Variants in GAB2 observed in about 807,000 individuals in gnomAD.
GAB2 encodes the protein GRB2-associated-binding protein 2.
In GAB2, 26 loss-of-function variants were observed where a neutral mutation model predicts 65.5. That is an observed-to-expected ratio of 0.40 (90% CI 0.29 to 0.55). The LOEUF is 0.55. Ranked by LOEUF, GAB2 falls within the 20% of genes least tolerant of loss-of-function variation. The pLI is 0.53. For synonymous variants in GAB2, 321 were observed against 329.6 expected (o/e 0.97, Z 0.28); for missense variants, 884 against 875.8 (o/e 1.01, Z -0.12).
chr11:78,412,477 T>C (rs894419611), intron 1 of GAB2, among the ~76,000 whole-genome samples: 26 of 152,180 alleles, frequency 1.7e-4, no homozygotes, highest in Non-Finnish European at 3.8e-4. Context: ...AGATTAGTAG[T>C]TGTCACAGAT....
chr11:78,405,204 T>A (rs1470885586), intron 1 of GAB2, among the ~76,000 whole-genome samples: 1 of 149,638 alleles, frequency 6.7e-6, no homozygotes, highest in Non-Finnish European at 1.5e-5. Flanking sequence ...GTTCACGCCA[T>A]TCTCCTGCCT....
In GAB2 at chr11:78,218,382, CT is replaced by C; in HGVS notation, c.*889del. 2 of 152,896 alleles carry C rather than the reference CT, an allele frequency of 1.3e-5. No individual in the cohort carries two copies. The highest frequency in any genetic ancestry group is 6.7e-3 in the Middle Eastern group (2 of 298). The allele number at this position is 152,896 out of a possible 1,614,324, so 9.5% of individuals were successfully genotyped here. A position where few individuals can be genotyped will look rare whatever the true frequency, so the allele number is the denominator to read the frequency against. ...CTTGGTCCAAGCCTTCCCCTGTATG[CT>C]GCTTTCAAGGTGGGGCTGGCGGGGG... On this transcript the variant is annotated 3_prime_UTR_variant, in exon 10 of 10. Transcript: ENST00000361507.
chr11:78,233,881 G>A lies in GAB2; in HGVS notation c.621-6830C>T, dbSNP rs1162925573. The stretch of plus-strand genomic sequence containing the variant: ...TGCCTGCTGCCTCCCAAAGTGCTGA[G>A]ATTACAGGCGTGGGCCACCACGCCC... On this transcript the variant is annotated intron_variant, in intron 3 of 9. Coordinates refer to ENST00000361507, the MANE Select transcript of GAB2 (RefSeq NM_080491.3). Among the ~76,000 whole-genome samples the A allele has an allele frequency of 2.6e-5, 4 of 152,244 alleles. No individual in the cohort carries two copies. The South Asian group carries it at 8.3e-4, about 31-fold the overall frequency.
At chr11:78,266,214 CAAAA>C (rs11445907) in intron 2 of GAB2, among the ~76,000 whole-genome samples, 37 of 65,050 alleles carry the variant, frequency 5.7e-4, no homozygotes, top group Non-Finnish European at 7.4e-4. Context: ...GACTCCATCT[CAAAA>C]AAAAAAAAAA....
chr11:78,348,142 T>C (rs1045932390), intron 1 of GAB2, among the ~76,000 whole-genome samples: 3 of 152,130 alleles, frequency 2.0e-5, no homozygotes, highest in African/African-American at 7.2e-5. Flanking sequence ...AGGTTAGACT[T>C]GCTGTCTCAG....
At chr11:78,371,723 C>A (rs1565176343) in intron 1 of GAB2, among the ~76,000 whole-genome samples, 1 of 152,222 alleles carries the variant, frequency 6.6e-6, no homozygotes, top group Non-Finnish European at 1.5e-5. Flanking sequence ...AACACCAATT[C>A]TCAGGGGAGA....
chr11:78,414,087 CAAAAAAAAAAA>C (rs34915163), intron 1 of GAB2, among the ~76,000 whole-genome samples: 3 of 83,292 alleles, frequency 3.6e-5, no homozygotes, highest in East Asian at 1.1e-3. Context: ...AACTCTGTCT[CAAAAAAAAAAA>C]AAAAAAAAAG....
Position 78,221,658 on chromosome 11 carries a change from C to T in GAB2, c.1761+19G>A, listed in dbSNP as rs367549795. On this transcript the variant is annotated intron_variant, in intron 8 of 9. Coordinates refer to ENST00000361507, the MANE Select transcript of GAB2 (RefSeq NM_080491.3). ...GGGGACTTGAAAGGCGTCATTCCAG[C>T]GAAGCCCGAAGGACTCACCATAGGG... The T allele has an allele frequency of 7.1e-5, 108 of 1,526,112 alleles. No individual in the cohort carries two copies. Among genetic ancestry groups the T allele is most frequent in the East Asian group, 1.6e-4 (7 of 44,170 alleles). The allele number at this position is 1,526,112 out of a possible 1,614,324, so 94.5% of individuals were successfully genotyped here.
At chr11:78,233,867 T>C (rs903982802) in intron 3 of GAB2, among the ~76,000 whole-genome samples, 2 of 152,208 alleles carry the variant, frequency 1.3e-5, no homozygotes, top group African/African-American at 4.8e-5. Context: ...GCCTGCTGCC[T>C]CCCAAAGTGC....
chr11:78,237,294 TATC>T (rs1177170365), intron 3 of GAB2, among the ~76,000 whole-genome samples: 1 of 152,232 alleles, frequency 6.6e-6, no homozygotes, highest in East Asian at 1.9e-4. Flanking sequence ...TCTAAATGCT[TATC>T]ATCATGTGAA....
intron 1 of GAB2, among the ~76,000 whole-genome samples, chr11:78,317,390 T>A (rs570809598): frequency 1.3e-5 from 2 of 152,082 alleles, no homozygotes; most frequent in Admixed American, 6.6e-5. Context: ...TGATACCCCA[T>A]CTCTACTAAA....
chr11:78,383,417 T>C (rs914915157), intron 1 of GAB2, among the ~76,000 whole-genome samples: 2 of 151,306 alleles, frequency 1.3e-5, no homozygotes, highest in African/African-American at 4.9e-5. Context: ...AGGAATGGCA[T>C]AGCTACGACA....
chr11:78,235,394 C>G lies in GAB2; in HGVS notation c.621-8343G>C, dbSNP rs189674372. On this transcript the variant is annotated intron_variant, in intron 3 of 9. Coordinates refer to ENST00000361507, the MANE Select transcript of GAB2 (RefSeq NM_080491.3). ...GTCTCGATCTCCTGACCTTGAGATC[C>G]GCCCACCTCAGCCTCCCAAAGTGCT... is the stretch of plus-strand genomic sequence containing the variant. Among the ~76,000 whole-genome samples, 657 of 152,126 alleles carry G rather than the reference C, an allele frequency of 4.3e-3. 5 individuals are homozygous for G. Among genetic ancestry groups the G allele is most frequent in the South Asian group, 5.0e-3 (24 of 4,818 alleles).
At chr11:78,334,473 T>C (rs990165834) in intron 1 of GAB2, among the ~76,000 whole-genome samples, 5 of 152,192 alleles carry the variant, frequency 3.3e-5, no homozygotes. Flanking sequence ...ATTGTTTTGA[T>C]TTTTAGATCC....
At chr11:78,276,808 T>A (rs1866183896) in intron 2 of GAB2, among the ~76,000 whole-genome samples, 1 of 145,944 alleles carries the variant, frequency 6.9e-6, no homozygotes, top group South Asian at 2.3e-4. Context: ...GATTTTTATT[T>A]ATTTTATTTA....
chr11:78,350,986 A>G (rs918297141), intron 1 of GAB2, among the ~76,000 whole-genome samples: 6 of 152,208 alleles, frequency 3.9e-5, no homozygotes, highest in African/African-American at 1.4e-4. Flanking sequence ...TCCTGGGAGG[A>G]TGGGGGAAGG....
At chr11:78,229,377 C>CT (rs1864772604) in intron 3 of GAB2, among the ~76,000 whole-genome samples, 1 of 152,156 alleles carries the variant, frequency 6.6e-6, no homozygotes, top group Non-Finnish European at 1.5e-5. Flanking sequence ...GAGGCCAGGC[C>CT]AGGACTAAAG....
intron 2 of GAB2, among the ~76,000 whole-genome samples, chr11:78,252,783 T>C (rs1865491715): frequency 6.6e-6 from 1 of 152,070 alleles, no homozygotes; most frequent in Non-Finnish European, 1.5e-5. Flanking sequence ...CCTTCAGACG[T>C]CCCACTAGTG....
rs1555001697 is a variant in GAB2 at position 78,407,671 on chromosome 11, A to AAGAAAGAAAGAAAGAAAGAGATGGC, written c.75+9974_75+9975insGCCATCTCTTTCTTTCTTTCTTTCT. Among the ~76,000 whole-genome samples the AAGAAAGAAAGAAAGAAAGAGATGGC allele has an allele frequency of 8.1e-4, 120 of 147,262 alleles. 1 individual carries two copies. The highest frequency in any genetic ancestry group is 3.1e-3 in the African/African-American group (117 of 37,910). On this transcript the variant is annotated intron_variant, in intron 1 of 9. Coordinates refer to ENST00000361507, the MANE Select transcript of GAB2 (RefSeq NM_080491.3). ...AAAGAAAGAAAGTAAGAAAGAAAGA[A>AAGAAAGAAAGAAAGAAAGAGATGGC]AGAAAGAAAGAAAGAAAGAAAGAAA...
Sources: gnomAD v4.1 joint callset for allele counts (sites outside exome capture counted in the v4.1 genomes callset) on GRCh38, gnomAD v4.1.1 for gene constraint, MANE v1.5 for transcripts, NCBI Gene and HGNC (gene_info 2026-07-23, HGNC 2026-07-21) for gene names.